Variants in LSAMP observed in about 807,000 individuals in gnomAD.
LSAMP encodes limbic system-associated membrane protein.
LSAMP carries 7 observed loss-of-function variants against 38.6 expected under a neutral mutation model. The observed-to-expected ratio is 0.18, with a 90% CI of 0.10 to 0.34. LSAMP has a LOEUF of 0.34. Among genes scored for constraint, LSAMP ranks in the 10% least tolerant of loss-of-function variants. The pLI, the probability that LSAMP is intolerant of heterozygous loss-of-function variation, is 1.00. For missense variants in LSAMP, 313 were observed against 420.0 expected (o/e 0.75, Z 2.23); for synonymous variants, 154 against 166.8 (o/e 0.92, Z 0.59).
rs373213533 is a variant in LSAMP at position 116,013,231 on chromosome 3, T to A, written c.514+6284A>T. 3.2e-4 allele frequency among the ~76,000 whole-genome samples: 48 copies of A among 152,306 alleles called. No individual in the cohort carries two copies. In the East Asian group the frequency reaches 6.6e-3, roughly 21 times the overall value. ...ACACTTGCAAGAATAGCCAGCACGT[T>A]AGGTTGTGCAGATCTTCTCAATGAC... On this transcript the variant is annotated intron_variant, in intron 3 of 6. Transcript: ENST00000490035.
intron 6 of LSAMP, among the ~76,000 whole-genome samples, chr3:115,839,295 T>C (rs1044434133): frequency 1.5e-5 from 2 of 135,088 alleles, no homozygotes; most frequent in African/African-American, 2.6e-5. Flanking sequence ...CCTTCCTTCC[T>C]TCCTTCCTTC....
At chr3:116,173,131 G>A (rs1250391403) in intron 1 of LSAMP, among the ~76,000 whole-genome samples, 7 of 151,968 alleles carry the variant, frequency 4.6e-5, no homozygotes, top group Non-Finnish European at 1.0e-4. Flanking sequence ...TTATGGTTAT[G>A]GGTAACTTGC....
chr3:115,918,794 G>A (rs989952921), intron 3 of LSAMP, among the ~76,000 whole-genome samples: 3 of 150,262 alleles, frequency 2.0e-5, no homozygotes, highest in Non-Finnish European at 4.4e-5. Flanking sequence ...AAAGACTTTG[G>A]AATGAGTTAA....
At chr3:116,227,002 A>G (rs1348715686) in intron 1 of LSAMP, among the ~76,000 whole-genome samples, 1 of 152,164 alleles carries the variant, frequency 6.6e-6, no homozygotes, top group African/African-American at 2.4e-5. Context: ...CTGACATCCA[A>G]GGAATTGAAG....
intron 1 of LSAMP, among the ~76,000 whole-genome samples, chr3:116,334,919 C>G (rs990134387): frequency 2.4e-4 from 37 of 151,886 alleles, no homozygotes; most frequent in African/African-American, 8.7e-4. Flanking sequence ...TAAAATGAAT[C>G]CATATTGGAA....
At chr3:115,906,658 A>G (rs1937014566) in intron 3 of LSAMP, among the ~76,000 whole-genome samples, 1 of 152,138 alleles carries the variant, frequency 6.6e-6, no homozygotes, top group African/African-American at 2.4e-5. Context: ...AGTAAAACTA[A>G]TAGTTTTGTT....
intron 3 of LSAMP, among the ~76,000 whole-genome samples, chr3:115,973,168 A>G (rs1474209981): frequency 2.0e-5 from 3 of 152,162 alleles, no homozygotes; most frequent in African/African-American, 7.2e-5. Context: ...TGGGTAATAA[A>G]AAGCGATTAA....
At chr3:116,386,924 A>G (rs2048633446) in intron 1 of LSAMP, among the ~76,000 whole-genome samples, 1 of 152,196 alleles carries the variant, frequency 6.6e-6, no homozygotes, top group South Asian at 2.1e-4. Flanking sequence ...AGAAGTAAAC[A>G]TCTGAGAAGA....
rs548718984 is a variant in LSAMP, at chr3:115,834,436, G to A, written c.919+7409C>T. 19 of 748,484 alleles carry A rather than the reference G, an allele frequency of 2.5e-5. No homozygotes were observed. In the South Asian group the frequency reaches 2.6e-4, roughly 10 times the overall value. The allele number at this position is 748,484 out of a possible 1,614,324, so 46.4% of individuals were successfully genotyped here. On this transcript the variant is annotated intron_variant, in intron 6 of 6. Coordinates refer to ENST00000490035, the MANE Select transcript of LSAMP (RefSeq NM_002338.5). ...TTGGCTTTTTAAAAAAGGTTTAAGGGAAAAAAATGATTTATATTGTATGTG... is the reference window on the plus strand; with the variant it reads ...TTGGCTTTTTAAAAAAGGTTTAAGGAAAAAAAATGATTTATATTGTATGTG...
At chr3:116,318,343 A>G (rs9845203) in intron 1 of LSAMP, among the ~76,000 whole-genome samples, 25,456 of 152,092 alleles carry the variant, frequency 0.17, 2,411 homozygotes, top group Admixed American at 0.2. Context: ...GAGATGTAGC[A>G]GCTAGTGTGC....
intron 2 of LSAMP, among the ~76,000 whole-genome samples, chr3:116,030,724 C>T (rs1054470710): frequency 2.6e-5 from 4 of 151,994 alleles, no homozygotes; most frequent in Admixed American, 6.6e-5. Flanking sequence ...ATTCCAACTG[C>T]GAAATGGCAC....
intron 2 of LSAMP, among the ~76,000 whole-genome samples, chr3:116,031,158 A>C (rs190941474): frequency 6.6e-6 from 1 of 152,170 alleles, no homozygotes. Context: ...GAAAGGACCC[A>C]TAAGTGAATA....
intron 4 of LSAMP, among the ~76,000 whole-genome samples, chr3:115,851,879 G>T (rs1034989109): frequency 6.6e-6 from 1 of 151,886 alleles, no homozygotes; most frequent in Admixed American, 6.6e-5. Flanking sequence ...CCTTTCATCC[G>T]AGAAGTTCAA....
chr3:116,121,963 T>C (rs1708886286), intron 1 of LSAMP, among the ~76,000 whole-genome samples: 1 of 151,856 alleles, frequency 6.6e-6, no homozygotes, highest in South Asian at 2.1e-4. Context: ...ACAATTATTC[T>C]TCCAATATGT....
intron 1 of LSAMP, among the ~76,000 whole-genome samples, chr3:116,353,426 T>C (rs1297639135): frequency 6.6e-6 from 1 of 152,054 alleles, no homozygotes; most frequent in Non-Finnish European, 1.5e-5. Flanking sequence ...CTTGGTATTG[T>C]TATTTAATTA....
At chr3:116,100,138 A>G (rs377315774) in intron 1 of LSAMP, among the ~76,000 whole-genome samples, 1 of 151,460 alleles carries the variant, frequency 6.6e-6, no homozygotes, top group African/African-American at 2.4e-5. Context: ...CTGGCTTGCA[A>G]TGGCACAATC....
chr3:116,285,488 C>T (rs116544591), intron 1 of LSAMP, among the ~76,000 whole-genome samples: 3,333 of 152,044 alleles, frequency 0.022, 43 homozygotes, highest in Non-Finnish European at 0.035. Context: ...ATGGCTCATT[C>T]CCTCTTCTTT....
At chr3:116,110,830 A>G (rs1020161303) in intron 1 of LSAMP, among the ~76,000 whole-genome samples, 3 of 152,218 alleles carry the variant, frequency 2.0e-5, no homozygotes, top group African/African-American at 2.4e-5. Context: ...GAGACCACCA[A>G]ACAGGCTTTG....
At chr3:116,009,131 A>C (rs1239315554) in intron 3 of LSAMP, among the ~76,000 whole-genome samples, 1 of 152,188 alleles carries the variant, frequency 6.6e-6, no homozygotes, top group Non-Finnish European at 1.5e-5. Context: ...CATTGTAATA[A>C]TATTCGGTGA....
Sources: gnomAD v4.1 joint callset for allele counts (sites outside exome capture counted in the v4.1 genomes callset) on GRCh38, gnomAD v4.1.1 for gene constraint, MANE v1.5 for transcripts, NCBI Gene and HGNC (gene_info 2026-07-23, HGNC 2026-07-21) for gene names.